RELT: variants seen among roughly 807,000 people sequenced by gnomAD.
RELT encodes the protein RELT TNF receptor, also known as tumor necrosis factor receptor superfamily member 19L.
A neutral mutation model predicts 51.1 loss-of-function variants in RELT; 37 were observed. The observed-to-expected ratio is 0.72, with a 90% CI of 0.56 to 0.95. The LOEUF (loss-of-function observed/expected upper bound fraction) is 0.95, where lower values mean the gene tolerates loss of function less well. Among genes scored for constraint, RELT ranks in the 40% least tolerant of loss-of-function variants. RELT has a pLI of 0.00. For synonymous variants in RELT, 241 were observed against 235.7 expected, an observed-to-expected ratio of 1.02 and a Z score of -0.21; for missense variants, 535 against 572.6, an observed-to-expected ratio of 0.93 and a Z score of 0.67.
At position 73,395,662 on chromosome 11, in the gene RELT, A is replaced by ACCTC. The variant is rs771222376; in HGVS notation, c.*171_*172insCCTC. Reference sequence around the variant, plus strand: ...GGAGCGTCTGCCCCAGTGAGGAGGCAGGTGGCCGGCGGGCACTGTGTACAG... The same window carrying ACCTC: ...GGAGCGTCTGCCCCAGTGAGGAGGCACCTCGGTGGCCGGCGGGCACTGTGTACAG... On this transcript the variant is annotated 3_prime_UTR_variant, in exon 11 of 11. Transcript: ENST00000064780. 1.4e-5 allele frequency: 9 copies of ACCTC among 644,196 alleles called. No individual in the cohort carries two copies. The highest frequency in any genetic ancestry group is 1.3e-4 in the East Asian group (5 of 37,374). The allele number at this position is 644,196 out of a possible 1,614,324, so 39.9% of individuals were successfully genotyped here. A position where few individuals can be genotyped will look rare whatever the true frequency, so the allele number is the denominator to read the frequency against.
At chr11:73,383,050 G>T (rs1453727692) in intron 1 of RELT, among the ~76,000 whole-genome samples, 1 of 152,216 alleles carries the variant, frequency 6.6e-6, no homozygotes, top group Non-Finnish European at 1.5e-5. Context: ...GAGGTCTGAG[G>T]TGCAGAACCA....
intron 1 of RELT, among the ~76,000 whole-genome samples, chr11:73,387,467 A>G (rs1024100694): frequency 6.6e-6 from 1 of 152,210 alleles, no homozygotes; most frequent in African/African-American, 2.4e-5. Context: ...ACCAAATTTA[A>G]GGAGTGACAG....
chr11:73,391,374 C>G (rs987829155), intron 5 of RELT, 151 bp downstream of exon 5: 12 of 689,580 alleles, frequency 1.7e-5, no homozygotes, highest in African/African-American at 1.1e-4. Flanking sequence ...GGGTCTCCAG[C>G]AGGGCACAGT....
At chr11:73,377,335 G>A (rs1206482064) in intron 1 of RELT, among the ~76,000 whole-genome samples, 2 of 151,428 alleles carry the variant, frequency 1.3e-5, no homozygotes, top group East Asian at 3.9e-4. Flanking sequence ...GGAGGAGGAG[G>A]GACCGGACCT....
At chr11:73,382,825 G>C (rs973629340) in intron 1 of RELT, among the ~76,000 whole-genome samples, 10 of 152,182 alleles carry the variant, frequency 6.6e-5, no homozygotes, top group Admixed American at 1.3e-4. Context: ...CGAGATAACT[G>C]TCTGGTCTCA....
rs746546623 is a variant in RELT at position 73,390,736 on chromosome 11, C to T, written c.121-19C>T. 1.9e-6 allele frequency: 3 copies of T among 1,606,584 alleles called. No homozygotes were observed. The highest frequency in any genetic ancestry group is 2.7e-5 in the African/African-American group (2 of 74,512). ...CAGGCTTGGCTCCTGGCCATGCTCT[C>T]ACCCTTTACCTCCCACAGGACCCAG... is the stretch of plus-strand genomic sequence containing the variant. On this transcript the variant is annotated intron_variant, in intron 3 of 10. Coordinates refer to ENST00000064780, the MANE Select transcript of RELT (RefSeq NM_152222.2).
Position 73,376,427 on chromosome 11 carries a change from G to A in RELT, c.-98G>A, listed in dbSNP as rs967998856. 6.6e-6 allele frequency: 1 copy of A among 151,940 alleles called. No individual in the cohort carries two copies. The highest frequency in any genetic ancestry group is 1.5e-5 in the Non-Finnish European group (1 of 67,950). 9.4% of individuals were successfully genotyped at this position (151,940 alleles called of 1,614,324 possible). The stretch of plus-strand genomic sequence containing the variant: ...AGGCGCGCAGGCTGCGCGGCTGTCC[G>A]GGCGCTCGCCGAGCCGGGCCGCGGC... On this transcript the variant is annotated 5_prime_UTR_variant, in exon 1 of 11. Transcript: ENST00000064780.
intron 1 of RELT, among the ~76,000 whole-genome samples, chr11:73,387,536 G>A (rs2134446342): frequency 6.6e-6 from 1 of 152,314 alleles, no homozygotes; most frequent in South Asian, 2.1e-4. Context: ...GCCAGGTGTG[G>A]CCTCCACCCT....
In RELT at chr11:73,395,748, A is replaced by C; in HGVS notation, c.*257A>C. On this transcript the variant is annotated 3_prime_UTR_variant, in exon 11 of 11. Coordinates refer to ENST00000064780, the MANE Select transcript of RELT (RefSeq NM_152222.2). Reference sequence around the variant, plus strand: ...TGTTGCTCCCCTGAAGGATGCCCCGACCCCCGTGCCTGCCCTGGCTGGATC... The same window carrying C: ...TGTTGCTCCCCTGAAGGATGCCCCGCCCCCCGTGCCTGCCCTGGCTGGATC... 9.3e-6 allele frequency: 5 copies of C among 535,298 alleles called. No homozygotes were observed. The highest frequency in any genetic ancestry group is 2.5e-5 in the South Asian group (1 of 40,444). 33.2% of individuals were successfully genotyped at this position (535,298 alleles called of 1,614,324 possible).
chr11:73,393,975 G>T (rs1207702920), intron 7 of RELT, 58 bp downstream of exon 7: 20 of 1,522,402 alleles, frequency 1.3e-5, no homozygotes, highest in Middle Eastern at 1.7e-4. Context: ...TCCTCCAGGA[G>T]CCTGTGAGGC....
chr11:73,389,287 GCTC>G, intron 2 of RELT, 106 bp downstream of exon 2: 5 of 731,280 alleles, frequency 6.8e-6, no homozygotes, highest in Non-Finnish European at 1.1e-5. Flanking sequence ...GCTGGGCAGG[GCTC>G]AGTTACTCAG....
intron 1 of RELT, among the ~76,000 whole-genome samples, chr11:73,377,269 A>AGTGTGTGTGTGTGTGTGTGTGT (rs369117500): frequency 0.032 from 4,602 of 146,056 alleles, 274 homozygotes; most frequent in African/African-American, 0.11. Flanking sequence ...AAGTGGTGTC[A>AGTGTGTGTGTGTGTGTGTGTGT]GTGTGTGTGT....
rs1409163562 is a variant in RELT, at chr11:73,390,565, T to C, written c.60T>C (p.Pro20=). 1 of 1,614,044 alleles carries C rather than the reference T, an allele frequency of 6.2e-7. No homozygotes were observed. Among genetic ancestry groups the C allele is most frequent in the Non-Finnish European group, 8.5e-7 (1 of 1,179,988 alleles). ...LSCFLMLLPW[P]LATLTSTTLW... ...TGTTCTTCTAGCTGCTGCCCTGGCC[T>C]CTCGCCACCCTGACATCAACAACCC... Residue 20 remains proline (P), a synonymous_variant, in exon 3 of 11, where the codon CCT becomes CCC. Transcript: ENST00000064780.
At chr11:73,386,727 G>A (rs986402580) in intron 1 of RELT, among the ~76,000 whole-genome samples, 1 of 152,204 alleles carries the variant, frequency 6.6e-6, no homozygotes, top group Admixed American at 6.5e-5. Context: ...ACACAGCTCT[G>A]CGTCTGTCTG....
rs1177525278 is a variant in RELT, at chr11:73,387,704, C to G, written c.-25-1408C>G. Among the ~76,000 whole-genome samples the G allele has an allele frequency of 2.6e-5, 4 of 152,180 alleles. No homozygotes were observed. In the East Asian group the frequency reaches 7.7e-4, roughly 29 times the overall value. ...AACCCTGGGCCCCTCTGAGATCTGC[C>G]AAGAGGGAGGGCGGGTGGACAGATC... On this transcript the variant is annotated intron_variant, in intron 1 of 10. Transcript: ENST00000064780.
At chr11:73,378,166 T>G (rs1590727199) in intron 1 of RELT, among the ~76,000 whole-genome samples, 1 of 152,298 alleles carries the variant, frequency 6.6e-6, no homozygotes, top group South Asian at 2.1e-4. Flanking sequence ...CCTTTCGCCA[T>G]CTGGGCAAGA....
At chr11:73,392,729 G>C (rs1009258129) in intron 6 of RELT, 2 of 1,400,056 alleles carry the variant, frequency 1.4e-6, no homozygotes, top group Non-Finnish European at 1.9e-6. Flanking sequence ...CAGATGTGGG[G>C]ATCTGGACTC....
chr11:73,390,709 C>G, intron 3 of RELT, 46 bp from the exon 4 acceptor site: 1 of 1,609,096 alleles, frequency 6.2e-7, no homozygotes, highest in Admixed American at 1.7e-5. Context: ...CCCAAGGGTC[C>G]TCAGGCTTGG....
chr11:73,394,466 GC>G lies in RELT; in HGVS notation c.789-6del, dbSNP rs1417903748. On this transcript the variant is annotated splice_polypyrimidine_tract_variant and intron_variant, in intron 8 of 10. Coordinates refer to ENST00000064780, the MANE Select transcript of RELT (RefSeq NM_152222.2). This position sits in a 1 kb window ranked among gnomAD's most constrained non-coding sequence, Gnocchi z 4.9. Reference sequence around the variant, plus strand: ...CTGGCCTATGGCCACTTCTGCCTGTGCCCCCTGCAGGCTGCCGCCAGCGCCC... The same window carrying G: ...CTGGCCTATGGCCACTTCTGCCTGTGCCCCTGCAGGCTGCCGCCAGCGCCC... 39 of 1,609,602 alleles carry G rather than the reference GC, an allele frequency of 2.4e-5. No homozygotes were observed. Among genetic ancestry groups the G allele is most frequent in the Non-Finnish European group, 3.2e-5 (38 of 1,177,586 alleles).
Sources: allele counts gnomAD v4.1 joint callset (sites outside exome capture counted in the v4.1 genomes callset), GRCh38; gene constraint gnomAD v4.1.1; non-coding constraint Gnocchi (gnomAD v3.1); transcripts MANE v1.5; gene names NCBI Gene and HGNC (gene_info 2026-07-23, HGNC 2026-07-21).